ELOVL5: variants seen among roughly 807,000 people sequenced by gnomAD.
ELOVL5 encodes very long chain fatty acid elongase 5.
Under a neutral mutation model 38.6 loss-of-function variants are expected in ELOVL5, and 8 were observed. That is an observed-to-expected ratio of 0.21 (90% confidence interval 0.12 to 0.37). The LOEUF (loss-of-function observed/expected upper bound fraction) is 0.37, where lower values mean the gene tolerates loss of function less well. ELOVL5 is among the 10% of genes least tolerant of loss of function. The pLI, the probability that ELOVL5 is intolerant of heterozygous loss-of-function variation, is 1.00. For synonymous variants in ELOVL5, 127 were observed against 133.7 expected (o/e 0.95, Z 0.34); for missense variants, 280 against 367.8 (o/e 0.76, Z 1.95).
intron 3 of ELOVL5, among the ~76,000 whole-genome samples, chr6:53,283,534 A>C (rs760350503): frequency 6.6e-6 from 1 of 152,212 alleles, no homozygotes; most frequent in Non-Finnish European, 1.5e-5. Flanking sequence ...CATCTAATCT[A>C]TATCACTGGG....
At chr6:53,314,867 A>G (rs897494397) in intron 1 of ELOVL5, among the ~76,000 whole-genome samples, 2 of 152,246 alleles carry the variant, frequency 1.3e-5, no homozygotes, top group Non-Finnish European at 2.9e-5. Context: ...AAGCTATCAC[A>G]TATTTCCTAT....
At chr6:53,296,104 G>A (rs1001802098) in intron 1 of ELOVL5, among the ~76,000 whole-genome samples, 1 of 151,874 alleles carries the variant, frequency 6.6e-6, no homozygotes, top group African/African-American at 2.4e-5. Flanking sequence ...GCCATATCAG[G>A]GAACAGAATG....
At position 53,287,215 on chromosome 6, in the gene ELOVL5, C is replaced by G. The variant is rs555740229; in HGVS notation, c.246+4561G>C. On this transcript the variant is annotated intron_variant, in intron 3 of 7. Transcript: ENST00000304434. ...TTAAAGCGCATTCTCTCACACTATT[C>G]ACAACATATAGTTCTAACTGCAAGG... Among the ~76,000 whole-genome samples the G allele has an allele frequency of 2.0e-5, 3 of 152,274 alleles. No homozygotes were observed. The East Asian group carries it at 5.8e-4, about 29-fold the overall frequency.
chr6:53,296,573 A>T (rs541795920), intron 1 of ELOVL5, among the ~76,000 whole-genome samples: 5 of 152,048 alleles, frequency 3.3e-5, no homozygotes, highest in East Asian at 1.9e-4. Flanking sequence ...GATCACAGTT[A>T]AAAAAAACTA....
At chr6:53,346,706 C>T (rs758280338) in intron 1 of ELOVL5, among the ~76,000 whole-genome samples, 1 of 152,146 alleles carries the variant, frequency 6.6e-6, no homozygotes, top group African/African-American at 2.4e-5. Context: ...CCAAAGTTAC[C>T]CTCAAGAAAA....
Position 53,276,035 on chromosome 6 carries a change from G to A in ELOVL5, c.324+144C>T, listed in dbSNP as rs1383640895. 6 of 587,654 alleles carry A rather than the reference G, an allele frequency of 1.0e-5. 1 individual carries two copies. The South Asian group carries it at 1.4e-4, about 14-fold the overall frequency. The allele number at this position is 587,654 out of a possible 1,614,324, so 36.4% of individuals were successfully genotyped here. ...TCACATTCAAATTTTAATTTGATGTGTATATATTGCCTTTTTTATTCTTTT... is the reference window on the plus strand; with the variant it reads ...TCACATTCAAATTTTAATTTGATGTATATATATTGCCTTTTTTATTCTTTT... On this transcript the variant is annotated intron_variant, in intron 4 of 7. Transcript: ENST00000304434.
At chr6:53,322,622 C>G (rs1322350641) in intron 1 of ELOVL5, among the ~76,000 whole-genome samples, 3 of 152,208 alleles carry the variant, frequency 2.0e-5, no homozygotes, top group Non-Finnish European at 2.9e-5. Context: ...TAAAACACAA[C>G]AGCTTCCATT....
intron 1 of ELOVL5, among the ~76,000 whole-genome samples, chr6:53,334,899 C>A (rs1334147436): frequency 6.6e-6 from 1 of 152,150 alleles, no homozygotes; most frequent in Non-Finnish European, 1.5e-5. Flanking sequence ...AAAATGCCCA[C>A]AATGCCCTGT....
At chr6:53,333,887 AAAC>A (rs56724175) in intron 1 of ELOVL5, among the ~76,000 whole-genome samples, 54,965 of 151,744 alleles carry the variant, frequency 0.36, 11,016 homozygotes, top group African/African-American at 0.55. Flanking sequence ...TTCCACGGTG[AAAC>A]AACATTAGGT....
At chr6:53,284,295 G>C (rs1407170628) in intron 3 of ELOVL5, among the ~76,000 whole-genome samples, 1 of 118,214 alleles carries the variant, frequency 8.5e-6, no homozygotes. Flanking sequence ...AACAGAGCAA[G>C]ACCATCTTTT....
At chr6:53,271,863 CA>C (rs1363464708) in intron 6 of ELOVL5, among the ~76,000 whole-genome samples, 1 of 152,184 alleles carries the variant, frequency 6.6e-6, no homozygotes, top group Non-Finnish European at 1.5e-5. Context: ...TCTTCCACCT[CA>C]AAGTACAGAG....
intron 1 of ELOVL5, among the ~76,000 whole-genome samples, chr6:53,328,215 C>G (rs1159192790): frequency 6.6e-6 from 1 of 152,068 alleles, no homozygotes; most frequent in Non-Finnish European, 1.5e-5. Context: ...AAATGAAAAA[C>G]TAAAAATTCT....
intron 6 of ELOVL5, among the ~76,000 whole-genome samples, 193 bp from the exon 7 acceptor site, chr6:53,270,920 T>G (rs150393212): frequency 3.5e-3 from 529 of 152,350 alleles, no homozygotes; most frequent in African/African-American, 0.011. Context: ...GTTTGTCTTA[T>G]ATATATTCTT....
At chr6:53,319,074 G>C (rs546334106) in intron 1 of ELOVL5, among the ~76,000 whole-genome samples, 2 of 151,716 alleles carry the variant, frequency 1.3e-5, no homozygotes, top group South Asian at 4.2e-4. Context: ...ACAAGGTCAG[G>C]AGATCGAGAC....
At chr6:53,274,048 T>A (rs769682462) in intron 5 of ELOVL5, among the ~76,000 whole-genome samples, 1 of 152,232 alleles carries the variant, frequency 6.6e-6, no homozygotes, top group Admixed American at 6.5e-5. Context: ...CTGGCTATGA[T>A]AGGAACTGGC....
At chr6:53,339,411 G>GAA (rs1769223756) in intron 1 of ELOVL5, among the ~76,000 whole-genome samples, 1 of 152,186 alleles carries the variant, frequency 6.6e-6, no homozygotes, top group Non-Finnish European at 1.5e-5. Flanking sequence ...TGAAGGTGGT[G>GAA]GCAGACTTGT....
chr6:53,328,735 G>A (rs1246565249), intron 1 of ELOVL5, among the ~76,000 whole-genome samples: 2 of 148,318 alleles, frequency 1.3e-5, no homozygotes, highest in African/African-American at 5.0e-5. Context: ...ATACTGTAAT[G>A]TATAGATAGC....
Position 53,276,267 on chromosome 6 carries a change from A to G in ELOVL5, c.247-11T>C. 2 of 1,575,062 alleles carry G rather than the reference A, an allele frequency of 1.3e-6. No individual in the cohort carries two copies. The highest frequency in any genetic ancestry group is 2.2e-5 in the South Asian group (2 of 90,180). On this transcript the variant is annotated splice_polypyrimidine_tract_variant and intron_variant, in intron 3 of 7. Transcript: ENST00000304434. ...TACTCCTGTTACTAACTAAAAAAGA[A>G]GAAAGAGCCAGTCACCAACAGCATC...
chr6:53,278,768 T>TC (rs1340423828), intron 3 of ELOVL5, among the ~76,000 whole-genome samples: 3 of 152,082 alleles, frequency 2.0e-5, no homozygotes, highest in Non-Finnish European at 4.4e-5. Flanking sequence ...AATGCAACAC[T>TC]CCCTCCACTG....
Sources: gnomAD v4.1 joint callset for allele counts (sites outside exome capture counted in the v4.1 genomes callset) on GRCh38, gnomAD v4.1.1 for gene constraint, MANE v1.5 for transcripts, NCBI Gene and HGNC (gene_info 2026-07-23, HGNC 2026-07-21) for gene names.